The following ARHGAP15 variants were observed in gnomAD, a reference collection of about 807,000 sequenced individuals.
ARHGAP15 encodes the protein rho GTPase-activating protein 15.
In ARHGAP15, 51 loss-of-function variants were observed where a neutral mutation model predicts 63.7. The observed-to-expected ratio is 0.80, with a 90% CI of 0.64 to 1.01. The LOEUF (loss-of-function observed/expected upper bound fraction) is 1.01, where lower values mean the gene tolerates loss of function less well. Among genes scored for constraint, ARHGAP15 ranks in the 50% least tolerant of loss-of-function variants. The pLI is 0.00. For missense variants in ARHGAP15, 560 were observed against 564.6 expected, an observed-to-expected ratio of 0.99 and a Z score of 0.08; for synonymous variants, 191 against 193.8, an observed-to-expected ratio of 0.99 and a Z score of 0.12.
chr2:143,636,809 A>T (rs1680340335), intron 12 of ARHGAP15, among the ~76,000 whole-genome samples: 1 of 152,144 alleles, frequency 6.6e-6, no homozygotes, highest in African/African-American at 2.4e-5. Context: ...AAATTGTCTC[A>T]GTCAGATCAG....
At chr2:143,280,520 A>T (rs1681788128) in intron 6 of ARHGAP15, among the ~76,000 whole-genome samples, 1 of 151,970 alleles carries the variant, frequency 6.6e-6, no homozygotes, top group Non-Finnish European at 1.5e-5. Flanking sequence ...CTCATCATAA[A>T]CTCCTCTGCT....
intron 13 of ARHGAP15, among the ~76,000 whole-genome samples, chr2:143,757,837 A>G (rs761180308): frequency 3.9e-5 from 6 of 152,172 alleles, no homozygotes; most frequent in South Asian, 2.1e-4. Flanking sequence ...GTTGGATTTT[A>G]TAATAATAAA....
chr2:143,524,273 G>T (rs1694175824), intron 10 of ARHGAP15, among the ~76,000 whole-genome samples: 1 of 151,982 alleles, frequency 6.6e-6, no homozygotes, highest in African/African-American at 2.4e-5. Flanking sequence ...TCTGTTTAAA[G>T]AAACAAGGAG....
intron 6 of ARHGAP15, among the ~76,000 whole-genome samples, chr2:143,285,852 A>G (rs7596229): frequency 0.11 from 16,094 of 152,224 alleles, 923 homozygotes; most frequent in Non-Finnish European, 0.13. Flanking sequence ...GTGTGTTTGA[A>G]CAAGGCTTAA....
Position 143,212,898 on chromosome 2 carries a change from A to G in ARHGAP15, c.235-3486A>G, listed in dbSNP as rs536394060. 3.9e-5 allele frequency among the ~76,000 whole-genome samples: 6 copies of G among 152,306 alleles called. No homozygotes were observed. In the South Asian group the frequency reaches 8.3e-4, roughly 21 times the overall value. The stretch of plus-strand genomic sequence containing the variant: ...TAAAGTAATTAATCCTACCTCGTGG[A>G]AACTTCACTTGCCAGCATGAGACCC... On this transcript the variant is annotated intron_variant, in intron 3 of 13. Transcript: ENST00000295095.
intron 13 of ARHGAP15, among the ~76,000 whole-genome samples, chr2:143,765,564 C>A (rs1048004770): frequency 1.3e-5 from 2 of 152,142 alleles, no homozygotes; most frequent in Non-Finnish European, 2.9e-5. Flanking sequence ...AAATGGGAAG[C>A]AGAATATCCT....
At chr2:143,173,330 A>T (rs978332730) in intron 2 of ARHGAP15, among the ~76,000 whole-genome samples, 1 of 152,104 alleles carries the variant, frequency 6.6e-6, no homozygotes, top group Non-Finnish European at 1.5e-5. Flanking sequence ...ATGTTTTGAT[A>T]AAAACTAAGC....
chr2:143,548,912 A>C (rs6736984), intron 10 of ARHGAP15, among the ~76,000 whole-genome samples: 43,505 of 151,768 alleles, frequency 0.29, 6,843 homozygotes, highest in African/African-American at 0.43. Flanking sequence ...TGGAAGAGAA[A>C]ACTAAAACAA....
intron 6 of ARHGAP15, among the ~76,000 whole-genome samples, chr2:143,376,124 A>G (rs1300766336): frequency 6.6e-6 from 1 of 152,220 alleles, no homozygotes; most frequent in Non-Finnish European, 1.5e-5. Flanking sequence ...TCTCAACATT[A>G]CAGATATATT....
chr2:143,679,366 T>C (rs183280761), intron 12 of ARHGAP15, among the ~76,000 whole-genome samples: 1 of 152,360 alleles, frequency 6.6e-6, no homozygotes, highest in East Asian at 1.9e-4. Context: ...ACAGTGCTTC[T>C]GCAGAGTCAA....
At chr2:143,426,048 T>A (rs10496947) in intron 6 of ARHGAP15, among the ~76,000 whole-genome samples, 5 of 152,028 alleles carry the variant, frequency 3.3e-5, no homozygotes, top group Non-Finnish European at 5.9e-5. Flanking sequence ...GGGCCATTCC[T>A]AGTTCTGCTA....
intron 11 of ARHGAP15, among the ~76,000 whole-genome samples, chr2:143,605,858 C>CAAAAAAAAAAAAAAAAAAAA (rs373847590): frequency 1.2e-4 from 10 of 85,308 alleles, no homozygotes; most frequent in East Asian, 7.0e-4. Context: ...TACTAAAATA[C>CAAAAAAAAAAAAAAAAAAAA]AAAAAAAAAA....
chr2:143,630,500 A>G (rs1699020553), intron 12 of ARHGAP15, among the ~76,000 whole-genome samples: 1 of 152,008 alleles, frequency 6.6e-6, no homozygotes, highest in African/African-American at 2.4e-5. Flanking sequence ...GTGAGAGGAA[A>G]CCTCATTTAG....
At chr2:143,329,047 C>T (rs1252523999) in intron 6 of ARHGAP15, among the ~76,000 whole-genome samples, 1 of 152,130 alleles carries the variant, frequency 6.6e-6, no homozygotes, top group Non-Finnish European at 1.5e-5. Context: ...TAATGTTCTC[C>T]TTGATTTCTC....
At chr2:143,657,073 G>A (rs570517859) in intron 12 of ARHGAP15, among the ~76,000 whole-genome samples, 3 of 152,248 alleles carry the variant, frequency 2.0e-5, no homozygotes, top group South Asian at 2.1e-4. Flanking sequence ...GTGGCCGAGC[G>A]TGGTGGCTCA....
At chr2:143,152,803 T>G (rs1689878519) in intron 1 of ARHGAP15, among the ~76,000 whole-genome samples, 1 of 151,552 alleles carries the variant, frequency 6.6e-6, no homozygotes, top group South Asian at 2.1e-4. Context: ...ACAAACTTAG[T>G]GGAGGGGGTG....
chr2:143,364,312 A>C (rs1317052131), intron 6 of ARHGAP15, among the ~76,000 whole-genome samples: 1 of 152,144 alleles, frequency 6.6e-6, no homozygotes, highest in Non-Finnish European at 1.5e-5. Context: ...ATATAACAGA[A>C]ATTTAATTTT....
At chr2:143,263,670 A>G (rs1680848813) in intron 6 of ARHGAP15, among the ~76,000 whole-genome samples, 1 of 152,192 alleles carries the variant, frequency 6.6e-6, no homozygotes, top group Non-Finnish European at 1.5e-5. Context: ...CTCTGGATAC[A>G]TTCTTATGAA....
chr2:143,361,899 T>G (rs2105337199), intron 6 of ARHGAP15, among the ~76,000 whole-genome samples: 1 of 152,306 alleles, frequency 6.6e-6, no homozygotes, highest in African/African-American at 2.4e-5. Context: ...CCAATAGCCT[T>G]TAGGAAAAAC....
Sources: allele counts gnomAD v4.1 joint callset (sites outside exome capture counted in the v4.1 genomes callset), GRCh38; gene constraint gnomAD v4.1.1; transcripts MANE v1.5; gene names NCBI Gene and HGNC (gene_info 2026-07-23, HGNC 2026-07-21).